The following MRE11 variants were observed in gnomAD, a reference collection of about 807,000 sequenced individuals.
MRE11 encodes the protein double-strand break repair protein MRE11.
A neutral mutation model predicts 91.7 loss-of-function variants in MRE11; 62 were observed. That is an observed-to-expected ratio of 0.68 (90% confidence interval 0.55 to 0.84). The LOEUF is 0.84. Among genes scored for constraint, MRE11 ranks in the 40% least tolerant of loss-of-function variants. MRE11 has a pLI of 0.00. For synonymous variants in MRE11, 273 were observed against 271.4 expected (o/e 1.01, Z -0.06); for missense variants, 796 against 852.9 (o/e 0.93, Z 0.83).
chr11:94,456,732 C>T (rs1044535768), intron 13 of MRE11, among the ~76,000 whole-genome samples: 1 of 152,196 alleles, frequency 6.6e-6, no homozygotes, highest in Non-Finnish European at 1.5e-5. Context: ...TGCTGCAAGA[C>T]ATCCAGGAGG....
chr11:94,461,034 C>T lies in MRE11; in HGVS notation c.1228G>A (p.Glu410Lys), dbSNP rs1431841510. 6.2e-7 allele frequency: 1 copy of T among 1,610,684 alleles called. No individual in the cohort carries two copies. The highest frequency in any genetic ancestry group is 1.1e-5 in the South Asian group (1 of 90,888). The stretch of plus-strand genomic sequence containing the variant: ...ATAAGTTTCCCAAAGTTGATCTCTT[C>T]TCCTAGAAAAAAAGAAGTATATCAA... ...RHREQKEKTG[E>K]EINFGKLITK... Residue 410 changes from glutamate to lysine, a missense_variant and splice_region_variant, in exon 12 of 20, where the codon GAA becomes AAA. By Grantham distance (56) the Glu-to-Lys change is moderately conservative (BLOSUM62 1). Coordinates refer to ENST00000323929, the MANE Select transcript of MRE11 (RefSeq NM_005591.4).
intron 19 of MRE11, among the ~76,000 whole-genome samples, chr11:94,420,799 G>A (rs1223031389): frequency 5.3e-5 from 8 of 152,152 alleles, no homozygotes; most frequent in South Asian, 2.1e-4. Context: ...TTGGAAGGCC[G>A]AGGCGGGTGG....
At chr11:94,450,306 A>T (rs2134930242) in intron 14 of MRE11, among the ~76,000 whole-genome samples, 1 of 152,328 alleles carries the variant, frequency 6.6e-6, no homozygotes, top group Admixed American at 6.5e-5. Context: ...AAGTGATTTT[A>T]TACGACATAA....
At chr11:94,466,926 T>C (rs894174189) in intron 10 of MRE11, among the ~76,000 whole-genome samples, 2 of 152,108 alleles carry the variant, frequency 1.3e-5, no homozygotes, top group Non-Finnish European at 2.9e-5. Context: ...ACTCTATTGG[T>C]GGTCATTAAA....
intron 7 of MRE11, chr11:94,472,953 A>C (rs1946756084): frequency 6.6e-6 from 1 of 152,120 alleles, no homozygotes; most frequent in Admixed American, 6.6e-5. Context: ...CTGTAAAGAA[A>C]AATAAAGGGA....
At chr11:94,451,503 T>C (rs1946105274) in intron 14 of MRE11, among the ~76,000 whole-genome samples, 1 of 152,070 alleles carries the variant, frequency 6.6e-6, no homozygotes, top group Non-Finnish European at 1.5e-5. Context: ...TATGACACAG[T>C]ACTGACAAAG....
At chr11:94,442,568 G>A (rs1565209527) in intron 16 of MRE11, among the ~76,000 whole-genome samples, 1 of 152,046 alleles carries the variant, frequency 6.6e-6, no homozygotes, top group Admixed American at 6.6e-5. Flanking sequence ...TGACTCTGTC[G>A]ATTGCATGCT....
At chr11:94,506,667 C>A in the MRE11 span, among the ~76,000 whole-genome samples, 2 of 151,248 alleles carry the variant, frequency 1.3e-5, no homozygotes, top group African/African-American at 2.4e-5. Context: ...TGACTCACTG[C>A]AGCCTTGAAC....
intron 11 of MRE11, among the ~76,000 whole-genome samples, chr11:94,461,268 CA>C (rs1946406662): frequency 6.6e-6 from 1 of 152,170 alleles, no homozygotes; most frequent in South Asian, 2.1e-4. Context: ...TAGCTGTTCT[CA>C]CTGGGTGAAG....
At chr11:94,434,332 A>G (rs928780122) in intron 18 of MRE11, among the ~76,000 whole-genome samples, 1 of 152,108 alleles carries the variant, frequency 6.6e-6, no homozygotes, top group Non-Finnish European at 1.5e-5. Context: ...TAAAGAACAA[A>G]AATTGGCTCC....
chr11:94,485,916 A>G lies in MRE11; in HGVS notation c.314+8T>C. ...TAATCACTCACTCAAGTAAATAAAT[A>G]TACTTACTTACTAAAACCAAAGTTG... On this transcript the variant is annotated splice_region_variant and intron_variant, in intron 4 of 19. Coordinates refer to ENST00000323929, the MANE Select transcript of MRE11 (RefSeq NM_005591.4). The G allele has an allele frequency of 6.2e-7, 1 of 1,610,478 alleles. No homozygotes were observed. The highest frequency in any genetic ancestry group is 8.5e-7 in the Non-Finnish European group (1 of 1,178,240).
Position 94,476,351 on chromosome 11 carries a change from T to C in MRE11, c.597A>G (p.Thr199=), listed in dbSNP as rs1555014527. The C allele has an allele frequency of 6.2e-7, 1 of 1,613,316 alleles. No individual in the cohort carries two copies. The highest frequency in any genetic ancestry group is 1.3e-5 in the African/African-American group (1 of 74,896). The change falls in exon 7 of 20, where the codon ACA becomes ACG. Residue 199 remains threonine, a synonymous_variant. Coordinates refer to ENST00000323929, the MANE Select transcript of MRE11 (RefSeq NM_005591.4). ...TCTCATCTTCCTTTGGTCTCAACAT[T>C]GTTACTTTTTTATTGACAAACATTC... ...LYRMFVNKKV[T]MLRPKEDENS...
chr11:94,506,139 C>T, the MRE11 span, among the ~76,000 whole-genome samples: 1 of 151,898 alleles, frequency 6.6e-6, no homozygotes, highest in Admixed American at 6.6e-5. Flanking sequence ...AAGGATAACC[C>T]AACCATCCTG....
chr11:94,456,189 T>C, intron 14 of MRE11, 87 bp downstream of exon 14: 1 of 1,267,944 alleles, frequency 7.9e-7, no homozygotes, highest in African/African-American at 1.5e-5. Context: ...CCTAGACCTA[T>C]GGACTGACTA....
chr11:94,461,338 T>C (rs1041592776), intron 11 of MRE11, among the ~76,000 whole-genome samples: 1 of 152,196 alleles, frequency 6.6e-6, no homozygotes, highest in Non-Finnish European at 1.5e-5. Flanking sequence ...AAAAATACTT[T>C]CATAATAATC....
intron 5 of MRE11, 102 bp from the exon 6 acceptor site, chr11:94,478,978 A>C: frequency 7.8e-7 from 1 of 1,284,774 alleles, no homozygotes; most frequent in Non-Finnish European, 1.1e-6. Flanking sequence ...TTCTACTTAC[A>C]AAAACATAGA....
At chr11:94,464,552 G>C (rs1486057692) in intron 10 of MRE11, among the ~76,000 whole-genome samples, 1 of 152,098 alleles carries the variant, frequency 6.6e-6, no homozygotes, top group African/African-American at 2.4e-5. Flanking sequence ...CAAACCATCT[G>C]AAAACAATTT....
rs1434636674 is a variant in MRE11 at position 94,471,773 on chromosome 11, T to C, written c.660-14A>G. The C allele has an allele frequency of 1.3e-6, 2 of 1,599,498 alleles. No homozygotes were observed. The highest frequency in any genetic ancestry group is 1.7e-5 in the Admixed American group (1 of 59,336). On this transcript the variant is annotated splice_polypyrimidine_tract_variant and intron_variant, in intron 7 of 19. Coordinates refer to ENST00000323929, the MANE Select transcript of MRE11 (RefSeq NM_005591.4). ...CCATGTTTACTCCTGTATCAAGATT[T>C]TGAAAAATATAAATTCGGTGATTAG...
the MRE11 span, among the ~76,000 whole-genome samples, chr11:94,505,882 C>T: frequency 6.6e-6 from 1 of 152,160 alleles, no homozygotes; most frequent in Admixed American, 6.5e-5. Flanking sequence ...TCTTAAGATA[C>T]ACAAATATTT....
Sources: gnomAD v4.1 joint callset for allele counts (sites outside exome capture counted in the v4.1 genomes callset) on GRCh38, gnomAD v4.1.1 for gene constraint, MANE v1.5 for transcripts, NCBI Gene and HGNC (gene_info 2026-07-23, HGNC 2026-07-21) for gene names.